Variants in MZT1 observed in about 807,000 individuals in gnomAD.
MZT1 encodes the protein mitotic spindle organizing protein 1, also known as mitotic-spindle organizing protein 1.
MZT1 carries 8 observed loss-of-function variants against 8.5 expected under a neutral mutation model. The observed-to-expected ratio is 0.94, with a 90% CI of 0.55 to 1.70. The LOEUF (loss-of-function observed/expected upper bound fraction) is 1.70. Ranked by LOEUF, MZT1 falls within the 40% of genes most tolerant of loss-of-function variation. The probability of loss-of-function intolerance (pLI) is 0.00; values close to 1 mark genes in which losing one functional copy is unlikely to be tolerated. For synonymous variants in MZT1, 38 were observed against 42.0 expected (o/e 0.90, Z 0.37); for missense variants, 93 against 108.6 (o/e 0.86, Z 0.64).
intron 2 of MZT1, among the ~76,000 whole-genome samples, chr13:72,716,477 T>C (rs775184868): frequency 6.6e-6 from 1 of 152,214 alleles, no homozygotes; most frequent in Non-Finnish European, 1.5e-5. Flanking sequence ...ACCTAAAGAA[T>C]AAGAACTCAT....
Position 72,719,045 on chromosome 13 carries a change from CAG to C in MZT1, c.130_131del (p.Leu44ValfsTer8), listed in dbSNP as rs1259966236. 6.9e-6 allele frequency: 11 copies of C among 1,583,112 alleles called. No individual in the cohort carries two copies. The highest frequency in any genetic ancestry group is 1.8e-5 in the Admixed American group (1 of 54,812). ...GTTCACAAAGCCGTACACAAATAGA[CAG>C]AGTTTCCATATCTAAGCCAGTATTC... ...ILNTGLDMET[L>X]SICVRLCEQG... On this transcript the variant is annotated frameshift_variant, in exon 2 of 3. Coordinates refer to ENST00000377818, the MANE Select transcript of MZT1 (RefSeq NM_001071775.3). LOFTEE classifies it high-confidence loss of function.
chr13:72,720,348 T>C (rs908481533), intron 1 of MZT1, among the ~76,000 whole-genome samples: 2 of 152,252 alleles, frequency 1.3e-5, no homozygotes, highest in Admixed American at 6.5e-5. Context: ...CTTTCATTTA[T>C]ATAAGCCATT....
At chr13:72,717,349 T>TTC (rs2032546169) in intron 2 of MZT1, among the ~76,000 whole-genome samples, 1 of 151,500 alleles carries the variant, frequency 6.6e-6, no homozygotes, top group Admixed American at 6.6e-5. Flanking sequence ...TTTTTTTTTT[T>TTC]TTTTTTTTAG....
intron 1 of MZT1, among the ~76,000 whole-genome samples, chr13:72,720,934 T>TAAA (rs35737085): frequency 6.7e-6 from 1 of 149,670 alleles, no homozygotes; most frequent in African/African-American, 2.4e-5. Context: ...ATTTGAGTCT[T>TAAA]AAAAAAAAAA....
chr13:72,723,717 T>A (rs771123469), intron 1 of MZT1, among the ~76,000 whole-genome samples: 3 of 152,266 alleles, frequency 2.0e-5, no homozygotes, highest in Non-Finnish European at 2.9e-5. Flanking sequence ...TCTAACTATA[T>A]GTATTTTGTG....
chr13:72,715,696 C>T (rs1452979181), intron 2 of MZT1, among the ~76,000 whole-genome samples: 1 of 152,080 alleles, frequency 6.6e-6, no homozygotes, highest in African/African-American at 2.4e-5. Flanking sequence ...TGAGTGAATT[C>T]TTAAGAGTTA....
chr13:72,726,772 C>T (rs930638753), intron 1 of MZT1, among the ~76,000 whole-genome samples: 6 of 143,450 alleles, frequency 4.2e-5, no homozygotes, highest in Non-Finnish European at 7.5e-5. Context: ...ACTAAACAGG[C>T]TCAATGATGT....
At chr13:72,710,754 T>A (rs1239561598) in intron 2 of MZT1, among the ~76,000 whole-genome samples, 2 of 152,086 alleles carry the variant, frequency 1.3e-5, no homozygotes, top group African/African-American at 4.8e-5. Flanking sequence ...AAAAGATGAA[T>A]AATGAACATC....
intron 1 of MZT1, among the ~76,000 whole-genome samples, chr13:72,724,486 G>A (rs2032620641): frequency 6.7e-6 from 1 of 148,772 alleles, no homozygotes; most frequent in African/African-American, 2.5e-5. Flanking sequence ...TGCAGTGCTA[G>A]TCAAATGGAA....
chr13:72,724,018 T>C (rs937726603), intron 1 of MZT1, among the ~76,000 whole-genome samples: 1 of 152,012 alleles, frequency 6.6e-6, no homozygotes, highest in South Asian at 2.1e-4. Context: ...GGAAGGGTGA[T>C]GGTTGAGAGC....
intron 2 of MZT1, among the ~76,000 whole-genome samples, chr13:72,712,364 A>C (rs1403538614): frequency 1.3e-5 from 2 of 152,208 alleles, no homozygotes; most frequent in Admixed American, 1.3e-4. Context: ...ATGTTGCCCA[A>C]GGCAGTCTTA....
chr13:72,718,679 C>A (rs1287836253), intron 2 of MZT1, among the ~76,000 whole-genome samples: 1 of 152,022 alleles, frequency 6.6e-6, no homozygotes, highest in Non-Finnish European at 1.5e-5. Flanking sequence ...TGGGGCTTTA[C>A]TGTGTTAGCC....
chr13:72,727,497 G>A, intron 1 of MZT1, 27 bp downstream of exon 1: 1 of 1,611,262 alleles, frequency 6.2e-7, no homozygotes, highest in South Asian at 1.1e-5. Context: ...AGGCACGCAA[G>A]GTAAAGGGAG....
At chr13:72,718,081 T>C (rs1301945925) in intron 2 of MZT1, among the ~76,000 whole-genome samples, 1 of 152,204 alleles carries the variant, frequency 6.6e-6, no homozygotes. Context: ...CTATTTACAG[T>C]TTGAAGGCCA....
At chr13:72,715,699 AAG>A (rs2032528645) in intron 2 of MZT1, among the ~76,000 whole-genome samples, 1 of 152,080 alleles carries the variant, frequency 6.6e-6, no homozygotes, top group South Asian at 2.1e-4. Context: ...GTGAATTCTT[AAG>A]AGTTATGGTT....
At chr13:72,725,891 A>G (rs777916759) in intron 1 of MZT1, among the ~76,000 whole-genome samples, 5 of 152,158 alleles carry the variant, frequency 3.3e-5, no homozygotes, top group Non-Finnish European at 7.3e-5. Context: ...GTAAATTTAT[A>G]TTTATATACA....
At position 72,710,282 on chromosome 13, in the gene MZT1, T is replaced by G. The variant is rs773943956; in HGVS notation, c.*40A>C. The G allele has an allele frequency of 6.2e-7, 1 of 1,607,700 alleles. No homozygotes were observed. Among genetic ancestry groups the G allele is most frequent in the South Asian group, 1.1e-5 (1 of 90,864 alleles). On this transcript the variant is annotated 3_prime_UTR_variant, in exon 3 of 3. Transcript: ENST00000377818. ...CTACAATGCAATCTTCAAACCCTCT[T>G]GCAGAGCTTGACATATCTCATCAGA...
In MZT1 at chr13:72,718,942, A is replaced by G; in HGVS notation, c.225+10T>C. On this transcript the variant is annotated intron_variant, in intron 2 of 2. Transcript: ENST00000377818. ...TCTTTATTTAGAATGAACTAATAGG[A>G]ATCTCCAACCTTCAGTGCTTCAGTA... 1 of 1,559,492 alleles carries G rather than the reference A, an allele frequency of 6.4e-7. No homozygotes were observed. Among genetic ancestry groups the G allele is most frequent in the Non-Finnish European group, 8.6e-7 (1 of 1,162,944 alleles).
At chr13:72,716,259 T>C (rs2032534010) in intron 2 of MZT1, among the ~76,000 whole-genome samples, 1 of 152,010 alleles carries the variant, frequency 6.6e-6, no homozygotes, top group Non-Finnish European at 1.5e-5. Flanking sequence ...ATACAGAGTC[T>C]ACCATAAAAG....
Sources: gnomAD v4.1 joint callset for allele counts (sites outside exome capture counted in the v4.1 genomes callset) on GRCh38, gnomAD v4.1.1 for gene constraint, MANE v1.5 for transcripts, NCBI Gene and HGNC (gene_info 2026-07-23, HGNC 2026-07-21) for gene names.